The following PIGL variants were observed in gnomAD, a reference collection of about 807,000 sequenced individuals.
The protein encoded by PIGL is N-acetylglucosaminyl-phosphatidylinositol de-N-acetylase.
PIGL carries 22 observed loss-of-function variants against 31.1 expected under a neutral mutation model. The observed-to-expected ratio is 0.71, with a 90% CI of 0.51 to 1.01. The LOEUF is 1.01. Among genes scored for constraint, PIGL ranks in the 50% least tolerant of loss-of-function variants. PIGL has a pLI of 0.00. For synonymous variants in PIGL, 131 were observed against 117.4 expected (o/e 1.12, Z -0.75); for missense variants, 302 against 315.9 (o/e 0.96, Z 0.33).
intron 2 of PIGL, among the ~76,000 whole-genome samples, chr17:16,263,098 G>A (rs1054399334): frequency 6.6e-6 from 1 of 151,488 alleles, no homozygotes; most frequent in African/African-American, 2.4e-5. Context: ...TTATTTGGGG[G>A]GGGGGGATGA....
intron 2 of PIGL, among the ~76,000 whole-genome samples, chr17:16,263,910 C>A (rs1181630152): frequency 7.6e-6 from 1 of 131,256 alleles, no homozygotes; most frequent in African/African-American, 2.9e-5. Flanking sequence ...GGCAAGGTAT[C>A]AGCTCACTGC....
At chr17:16,310,936 G>A (rs548935171) in intron 3 of PIGL, among the ~76,000 whole-genome samples, 2 of 152,330 alleles carry the variant, frequency 1.3e-5, no homozygotes, top group South Asian at 4.1e-4. Context: ...GGTGATCACA[G>A]CTTCGGCCTC....
intron 1 of PIGL, among the ~76,000 whole-genome samples, chr17:16,225,555 AT>A (rs367944546): frequency 0.51 from 70,614 of 138,232 alleles, 17,915 homozygotes; most frequent in Middle Eastern, 0.6. Context: ...TGCCCGGCTA[AT>A]TTTTTTTTTT....
At chr17:16,246,672 C>CTTTTTGTTTTTTTTTTTTTTTTTTT (rs2092749051) in intron 2 of PIGL, among the ~76,000 whole-genome samples, 1 of 64,162 alleles carries the variant, frequency 1.6e-5, no homozygotes, top group African/African-American at 5.7e-5. Flanking sequence ...AGATCAAGGT[C>CTTTTTGTTTTTTTTTTTTTTTTTTT]TTTTTTTTTT....
intron 2 of PIGL, among the ~76,000 whole-genome samples, chr17:16,293,047 G>A (rs2092967458): frequency 1.3e-5 from 2 of 152,172 alleles, no homozygotes; most frequent in Admixed American, 1.3e-4. Context: ...GATTAGGGTT[G>A]AACTTTAGGC....
At chr17:16,221,060 T>C (rs2092626575) in intron 1 of PIGL, among the ~76,000 whole-genome samples, 1 of 152,132 alleles carries the variant, frequency 6.6e-6, no homozygotes, top group Non-Finnish European at 1.5e-5. Flanking sequence ...CAAACATGAA[T>C]AACATACAAG....
chr17:16,309,787 A>G (rs1275940118), intron 3 of PIGL, among the ~76,000 whole-genome samples: 4 of 150,910 alleles, frequency 2.7e-5, no homozygotes, highest in Non-Finnish European at 4.4e-5. Context: ...AGAAAGAAAT[A>G]TAAACATTAG....
intron 2 of PIGL, among the ~76,000 whole-genome samples, chr17:16,256,666 AGTT>A (rs1480606398): frequency 1.4e-5 from 2 of 142,756 alleles, no homozygotes; most frequent in African/African-American, 5.3e-5. Flanking sequence ...CACCCTTTAT[AGTT>A]GTTTTTTGTT....
At chr17:16,289,459 A>C (rs1331155263) in intron 2 of PIGL, among the ~76,000 whole-genome samples, 1 of 152,190 alleles carries the variant, frequency 6.6e-6, no homozygotes, top group South Asian at 2.1e-4. Flanking sequence ...TCAGTCCTCC[A>C]TATCCATCTG....
At chr17:16,258,527 A>G (rs8076400) in intron 2 of PIGL, among the ~76,000 whole-genome samples, 135,841 of 151,042 alleles carry the variant, frequency 0.9, 61,252 homozygotes, top group African/African-American at 0.97. Flanking sequence ...TTTTGAGACA[A>G]AGTTTTGCTG....
chr17:16,281,423 A>G (rs557645305), intron 2 of PIGL, among the ~76,000 whole-genome samples: 1 of 152,366 alleles, frequency 6.6e-6, no homozygotes, highest in East Asian at 1.9e-4. Flanking sequence ...ATTGTTTAAC[A>G]AATCCCATCC....
intron 1 of PIGL, among the ~76,000 whole-genome samples, chr17:16,228,610 G>C (rs969039213): frequency 1.3e-5 from 2 of 150,604 alleles, no homozygotes; most frequent in Admixed American, 6.6e-5. Flanking sequence ...GGATGGTCTC[G>C]ATCTCCTGAC....
At chr17:16,300,127 C>G (rs2092998356) in intron 3 of PIGL, 149 bp downstream of exon 3, 3 of 620,256 alleles carry the variant, frequency 4.8e-6, no homozygotes, top group Non-Finnish European at 5.8e-6. Context: ...CAATGCTCAC[C>G]ATTAAACCTA....
intron 2 of PIGL, among the ~76,000 whole-genome samples, chr17:16,263,001 C>A: frequency 1.3e-5 from 2 of 149,628 alleles, no homozygotes; most frequent in South Asian, 2.1e-4. Context: ...ATTAAATGCC[C>A]AGAAGAAGCA....
chr17:16,278,445 A>G (rs990625826), intron 2 of PIGL, among the ~76,000 whole-genome samples: 1 of 152,216 alleles, frequency 6.6e-6, no homozygotes, highest in African/African-American at 2.4e-5. Flanking sequence ...TTAATGTCTG[A>G]CCATAAGGTA....
chr17:16,248,313 C>G (rs186040127), intron 2 of PIGL, among the ~76,000 whole-genome samples: 47 of 152,292 alleles, frequency 3.1e-4, no homozygotes, highest in African/African-American at 1.1e-3. Flanking sequence ...TATAAACAGT[C>G]AAGAGGACCC....
intron 2 of PIGL, among the ~76,000 whole-genome samples, chr17:16,252,921 A>G (rs1029809): frequency 0.41 from 61,847 of 152,060 alleles, 13,457 homozygotes; most frequent in Middle Eastern, 0.53. Context: ...GTTTATGGTG[A>G]AATAAAACAA....
chr17:16,278,308 C>T (rs2092903879), intron 2 of PIGL, among the ~76,000 whole-genome samples: 1 of 152,184 alleles, frequency 6.6e-6, no homozygotes, highest in Non-Finnish European at 1.5e-5. Flanking sequence ...GGATGGGTCT[C>T]AAACTCCTGA....
chr17:16,268,202 T>C (rs2092853575), intron 2 of PIGL, among the ~76,000 whole-genome samples: 1 of 152,014 alleles, frequency 6.6e-6, no homozygotes, highest in Non-Finnish European at 1.5e-5. Context: ...GGTAGGCTTG[T>C]GAAGAAGCAG....
Sources: gnomAD v4.1 joint callset for allele counts (sites outside exome capture counted in the v4.1 genomes callset) on GRCh38, gnomAD v4.1.1 for gene constraint, MANE v1.5 for transcripts, NCBI Gene and HGNC (gene_info 2026-07-23, HGNC 2026-07-21) for gene names.